The following PDE1C variants were observed in gnomAD, a reference collection of about 807,000 sequenced individuals.
PDE1C encodes dual specificity calcium/calmodulin-dependent 3',5'-cyclic nucleotide phosphodiesterase 1C.
PDE1C carries 62 observed loss-of-function variants against 93.1 expected under a neutral mutation model. That is an observed-to-expected ratio of 0.67 (90% CI 0.54 to 0.82). The LOEUF (loss-of-function observed/expected upper bound fraction) is 0.82, where lower values mean the gene tolerates loss of function less well. PDE1C is among the 40% of genes least tolerant of loss of function. PDE1C has a pLI of 0.00. For synonymous variants in PDE1C, 325 were observed against 310.1 expected (o/e 1.05, Z -0.50); for missense variants, 742 against 884.6 (o/e 0.84, Z 2.04).
chr7:32,243,209 T>C (rs1808672455), intron 1 of PDE1C, among the ~76,000 whole-genome samples: 1 of 152,126 alleles, frequency 6.6e-6, no homozygotes, highest in Non-Finnish European at 1.5e-5. Context: ...GGTTTATTAT[T>C]TAGGAAAATG....
chr7:32,260,284 AAGCCTGGCTCCACCACTC>A (rs1271502118), intron 1 of PDE1C, among the ~76,000 whole-genome samples: 1 of 152,268 alleles, frequency 6.6e-6, no homozygotes, highest in Non-Finnish European at 1.5e-5. Context: ...AGAGGCCTTG[AAGCCTGGCTCCACCACTC>A]AGCTCTGTGA....
At chr7:32,096,229 C>T (rs759766636) in intron 3 of PDE1C, among the ~76,000 whole-genome samples, 44 of 152,304 alleles carry the variant, frequency 2.9e-4, no homozygotes, top group Middle Eastern at 6.8e-3. Flanking sequence ...ACTTTGGGAA[C>T]TGCACTCTAC....
intron 16 of PDE1C, among the ~76,000 whole-genome samples, chr7:31,779,658 G>T (rs1375612363): frequency 6.6e-6 from 1 of 152,126 alleles, no homozygotes; most frequent in East Asian, 1.9e-4. Flanking sequence ...GGTAGCAGGC[G>T]GGGATACATA....
chr7:31,833,590 G>A (rs1335143711), intron 11 of PDE1C, among the ~76,000 whole-genome samples: 2 of 152,226 alleles, frequency 1.3e-5, no homozygotes, highest in Non-Finnish European at 2.9e-5. Flanking sequence ...GGGAACTGGA[G>A]TAAAAATGAT....
At chr7:32,042,297 TAAAAAC>T in intron 2 of PDE1C, among the ~76,000 whole-genome samples, 1 of 151,954 alleles carries the variant, frequency 6.6e-6, no homozygotes, top group African/African-American at 2.4e-5. Context: ...AAGACTCCAT[TAAAAAC>T]AAAAACAAAA....
At chr7:32,377,834 A>G (rs963800089) in intron 1 of PDE1C, among the ~76,000 whole-genome samples, 1 of 152,156 alleles carries the variant, frequency 6.6e-6, no homozygotes, top group Non-Finnish European at 1.5e-5. Context: ...CCTCGCACCA[A>G]GCAAACCAAG....
the PDE1C span, among the ~76,000 whole-genome samples, chr7:31,624,259 TG>T: frequency 6.9e-6 from 1 of 144,806 alleles, no homozygotes; most frequent in African/African-American, 2.5e-5. Flanking sequence ...TTCACAGAAT[TG>T]GAAAAAACTA....
At chr7:31,836,367 G>A (rs748106891) in intron 11 of PDE1C, among the ~76,000 whole-genome samples, 14 of 152,010 alleles carry the variant, frequency 9.2e-5, no homozygotes, top group Middle Eastern at 3.4e-3. Context: ...ACAGAGTCTC[G>A]CGCTGTCGCC....
chr7:31,988,456 C>T lies in PDE1C; in HGVS notation c.128+63098G>A, dbSNP rs1470450788. Among the ~76,000 whole-genome samples the T allele has an allele frequency of 1.3e-5, 2 of 152,338 alleles. 1 individual carries two copies. Among genetic ancestry groups the T allele is most frequent in the South Asian group, 4.1e-4 (2 of 4,826 alleles). On this transcript the variant is annotated intron_variant, in intron 2 of 17. Coordinates refer to ENST00000396191, the MANE Select transcript of PDE1C (RefSeq NM_001191057.4). ...ACCTGCCTCCTCTATTCCACCTTTA[C>T]CTGTTGAAATTCTGCCTTATCCTTC... is the stretch of plus-strand genomic sequence containing the variant.
chr7:32,122,921 C>T (rs993347332), intron 3 of PDE1C, among the ~76,000 whole-genome samples: 1 of 152,014 alleles, frequency 6.6e-6, no homozygotes, highest in Non-Finnish European at 1.5e-5. Context: ...TCCATGAATC[C>T]AGGAGCTGGT....
chr7:32,104,661 T>TG (rs1333500592), intron 3 of PDE1C, among the ~76,000 whole-genome samples: 1 of 152,086 alleles, frequency 6.6e-6, no homozygotes, highest in Non-Finnish European at 1.5e-5. Flanking sequence ...AGTGGGGAAA[T>TG]GGGACTGGTG....
chr7:32,333,231 A>G (rs1783548251), intron 1 of PDE1C, among the ~76,000 whole-genome samples: 1 of 152,210 alleles, frequency 6.6e-6, no homozygotes, highest in African/African-American at 2.4e-5. Flanking sequence ...TACAAATACT[A>G]ATTTTCTGAA....
intron 1 of PDE1C, among the ~76,000 whole-genome samples, chr7:32,271,343 C>T (rs1325930234): frequency 6.6e-6 from 1 of 152,154 alleles, no homozygotes; most frequent in African/African-American, 2.4e-5. Context: ...AAATTAGATA[C>T]ATATTATTTC....
At chr7:32,298,289 C>G (rs907303719) in intron 1 of PDE1C, among the ~76,000 whole-genome samples, 1 of 152,096 alleles carries the variant, frequency 6.6e-6, no homozygotes, top group Non-Finnish European at 1.5e-5. Flanking sequence ...GTCTCCCTCT[C>G]TCGGCACTAT....
At chr7:32,236,838 A>C (rs1808117829) in intron 1 of PDE1C, among the ~76,000 whole-genome samples, 1 of 152,218 alleles carries the variant, frequency 6.6e-6, no homozygotes, top group Non-Finnish European at 1.5e-5. Context: ...AGCTGTACAC[A>C]AACGTTTATG....
At chr7:32,220,204 C>T (rs1358204398) in intron 1 of PDE1C, among the ~76,000 whole-genome samples, 2 of 152,088 alleles carry the variant, frequency 1.3e-5, no homozygotes, top group African/African-American at 2.4e-5. Flanking sequence ...AAGCTGTCAA[C>T]TAATTACAGT....
chr7:32,081,563 A>G (rs1796663534), intron 3 of PDE1C, among the ~76,000 whole-genome samples: 1 of 152,234 alleles, frequency 6.6e-6, no homozygotes, highest in Admixed American at 6.5e-5. Flanking sequence ...ACCTATCAGA[A>G]TCTAATCACT....
intron 2 of PDE1C, among the ~76,000 whole-genome samples, chr7:32,196,786 T>C (rs1262812131): frequency 6.6e-6 from 1 of 152,120 alleles, no homozygotes; most frequent in African/African-American, 2.4e-5. Context: ...TAAAACAAAG[T>C]TGTAGCTGTG....
chr7:31,905,231 C>G (rs1038848784), intron 2 of PDE1C, among the ~76,000 whole-genome samples: 2 of 152,094 alleles, frequency 1.3e-5, no homozygotes, highest in African/African-American at 2.4e-5. Context: ...GAGAGAACAT[C>G]TGTATTGTTG....
Sources: gnomAD v4.1 joint callset for allele counts (sites outside exome capture counted in the v4.1 genomes callset) on GRCh38, gnomAD v4.1.1 for gene constraint, MANE v1.5 for transcripts, NCBI Gene and HGNC (gene_info 2026-07-23, HGNC 2026-07-21) for gene names.